The following DTNA variants were observed in gnomAD, a reference collection of about 807,000 sequenced individuals.
DTNA encodes the protein dystrobrevin alpha.
A neutral mutation model predicts 100.7 loss-of-function variants in DTNA; 43 were observed. The ratio of observed to expected loss-of-function variants is 0.43; its 90% CI spans 0.33 to 0.55. The LOEUF (loss-of-function observed/expected upper bound fraction) is 0.55. Ranked by LOEUF, DTNA falls within the 20% of genes least tolerant of loss-of-function variation. The probability of loss-of-function intolerance (pLI) is 0.04; values close to 1 mark genes in which losing one functional copy is unlikely to be tolerated. For missense variants in DTNA, 798 were observed against 953.9 expected (o/e 0.84, Z 2.15); for synonymous variants, 349 against 347.9 (o/e 1.00, Z -0.04).
intron 1 of DTNA, among the ~76,000 whole-genome samples, chr18:34,516,074 C>T (rs748457567): frequency 3.4e-4 from 52 of 152,010 alleles, no homozygotes; most frequent in African/African-American, 1.2e-3. Flanking sequence ...ATTGGGGGAA[C>T]CACCCCCAAT....
chr18:34,829,749 C>A lies in DTNA; in HGVS notation c.1175+260C>A, dbSNP rs1299364621. ...ATGTATATATGTGAAATGTATCAAG[C>A]TGGATCTTGTTTGGACAAGTCTCTG... On this transcript the variant is annotated intron_variant, in intron 11 of 22. Coordinates refer to ENST00000444659, the MANE Select transcript of DTNA (RefSeq NM_001386795.1). Among the ~76,000 whole-genome samples, 5 of 152,158 alleles carry A rather than the reference C, an allele frequency of 3.3e-5. No individual in the cohort carries two copies. The East Asian group carries it at 9.6e-4, about 29-fold the overall frequency.
chr18:34,663,911 C>T (rs2075547829), intron 1 of DTNA, among the ~76,000 whole-genome samples: 1 of 152,120 alleles, frequency 6.6e-6, no homozygotes, highest in Non-Finnish European at 1.5e-5. Flanking sequence ...GTGAGCTAGA[C>T]TATTTTGTCA....
intron 3 of DTNA, among the ~76,000 whole-genome samples, chr18:34,789,299 G>A (rs9965772): frequency 0.025 from 3,854 of 152,262 alleles, 169 homozygotes; most frequent in African/African-American, 0.087. Context: ...GTGCCTGTCC[G>A]TCTCCGCTCC....
intron 17 of DTNA, chr18:34,867,497 C>G (rs1447295662): frequency 8.3e-7 from 1 of 1,198,416 alleles, no homozygotes; most frequent in Non-Finnish European, 1.0e-6. Context: ...ACACTTAGAT[C>G]ATGGTAAAGA....
At chr18:34,665,480 TG>T (rs1406042532) in intron 1 of DTNA, among the ~76,000 whole-genome samples, 5 of 152,170 alleles carry the variant, frequency 3.3e-5, no homozygotes, top group Non-Finnish European at 7.4e-5. Context: ...TGTGCAGGTT[TG>T]TTACATATGT....
At chr18:34,603,312 A>C (rs1304217100) in intron 1 of DTNA, among the ~76,000 whole-genome samples, 1 of 152,140 alleles carries the variant, frequency 6.6e-6, no homozygotes, top group Non-Finnish European at 1.5e-5. Flanking sequence ...GTGCAATAAT[A>C]TTGCAGCTCA....
chr18:34,553,857 C>T (rs543029778), intron 1 of DTNA, among the ~76,000 whole-genome samples: 12 of 152,050 alleles, frequency 7.9e-5, no homozygotes, highest in South Asian at 4.1e-4. Context: ...CTTGGTGATG[C>T]GGGCTCTTTT....
At chr18:34,736,706 C>T (rs369935810) in intron 1 of DTNA, among the ~76,000 whole-genome samples, 1 of 152,106 alleles carries the variant, frequency 6.6e-6, no homozygotes, top group African/African-American at 2.4e-5. Context: ...TTAAAATAAA[C>T]GTGATATTAT....
intron 1 of DTNA, among the ~76,000 whole-genome samples, chr18:34,522,785 G>A (rs994566978): frequency 2.0e-5 from 3 of 152,176 alleles, no homozygotes; most frequent in African/African-American, 7.2e-5. Flanking sequence ...TAAGAAGGCT[G>A]GCCGCTCTGC....
chr18:34,711,610 C>G (rs554155738), intron 1 of DTNA, among the ~76,000 whole-genome samples: 108 of 152,238 alleles, frequency 7.1e-4, no homozygotes, highest in African/African-American at 2.4e-3. Flanking sequence ...TTAATTGGCA[C>G]TAATTAGGAT....
intron 3 of DTNA, among the ~76,000 whole-genome samples, chr18:34,780,477 T>C (rs186598351): frequency 9.2e-5 from 14 of 152,334 alleles, no homozygotes; most frequent in Non-Finnish European, 1.0e-4. Context: ...CAGCTTACTT[T>C]CTCAGAAAAA....
chr18:34,669,255 CT>C (rs1452545894), intron 1 of DTNA, among the ~76,000 whole-genome samples: 1 of 151,944 alleles, frequency 6.6e-6, no homozygotes, highest in Non-Finnish European at 1.5e-5. Context: ...CAACCCCTGC[CT>C]TTTTTTGTTT....
intron 1 of DTNA, among the ~76,000 whole-genome samples, chr18:34,696,580 A>C (rs1018595139): frequency 7.2e-5 from 11 of 152,170 alleles, no homozygotes; most frequent in African/African-American, 2.7e-4. Flanking sequence ...CCATCTCAAA[A>C]AATAAAAAAA....
At chr18:34,872,297 A>G (rs544501572) in intron 17 of DTNA, among the ~76,000 whole-genome samples, 1 of 152,286 alleles carries the variant, frequency 6.6e-6, no homozygotes, top group East Asian at 1.9e-4. Context: ...GGCCAGACAT[A>G]TGAGTCTTCT....
intron 1 of DTNA, among the ~76,000 whole-genome samples, chr18:34,629,554 G>A (rs1450178383): frequency 6.6e-6 from 1 of 152,180 alleles, no homozygotes; most frequent in Non-Finnish European, 1.5e-5. Flanking sequence ...TCCTGGGATA[G>A]GATTTCATCA....
At chr18:34,862,557 A>AG (rs2096642632) in intron 16 of DTNA, among the ~76,000 whole-genome samples, 1 of 152,134 alleles carries the variant, frequency 6.6e-6, no homozygotes, top group East Asian at 1.9e-4. Flanking sequence ...CCACTGCTTT[A>AG]GGAGGCTGAG....
At chr18:34,753,374 T>TA (rs1568412816) in intron 1 of DTNA, among the ~76,000 whole-genome samples, 33 of 94,374 alleles carry the variant, frequency 3.5e-4, no homozygotes, top group African/African-American at 1.8e-3. Flanking sequence ...TTATTTTTTT[T>TA]TTTTTTTTAT....
intron 15 of DTNA, among the ~76,000 whole-genome samples, chr18:34,853,774 A>G (rs1374574052): frequency 6.6e-6 from 1 of 152,176 alleles, no homozygotes; most frequent in African/African-American, 2.4e-5. Context: ...CGAATTATAA[A>G]AAAAAATAGC....
intron 20 of DTNA, among the ~76,000 whole-genome samples, chr18:34,881,328 T>C (rs933745627): frequency 6.6e-5 from 10 of 151,726 alleles, no homozygotes; most frequent in Non-Finnish European, 1.3e-4. Flanking sequence ...TCCAGCCCCA[T>C]GAAAAGCTTT....
Sources: allele counts gnomAD v4.1 joint callset (sites outside exome capture counted in the v4.1 genomes callset), GRCh38; gene constraint gnomAD v4.1.1; transcripts MANE v1.5; gene names NCBI Gene and HGNC (gene_info 2026-07-23, HGNC 2026-07-21).